The following GPR107 variants were observed in gnomAD, a reference collection of about 807,000 sequenced individuals.
The protein encoded by GPR107 is G protein-coupled receptor 107, also known as protein GPR107.
In GPR107, 31 loss-of-function variants were observed where a neutral mutation model predicts 75.5. The observed-to-expected ratio is 0.41, with a 90% CI of 0.31 to 0.55. The LOEUF (loss-of-function observed/expected upper bound fraction) is 0.55. Ranked by LOEUF, GPR107 falls within the 20% of genes least tolerant of loss-of-function variation. The pLI, the probability that GPR107 is intolerant of heterozygous loss-of-function variation, is 0.26. For missense variants in GPR107, 572 were observed against 665.7 expected, an observed-to-expected ratio of 0.86 and a Z score of 1.55; for synonymous variants, 267 against 251.3, an observed-to-expected ratio of 1.06 and a Z score of -0.59.
intron 1 of GPR107, among the ~76,000 whole-genome samples, chr9:130,065,299 A>G (rs550066442): frequency 6.6e-6 from 1 of 151,800 alleles, no homozygotes; most frequent in African/African-American, 2.4e-5. Flanking sequence ...AAAATACAAA[A>G]TATTAGCTGG....
intron 2 of GPR107, 79 bp from the exon 3 acceptor site, chr9:130,076,333 C>A: frequency 1.1e-6 from 1 of 874,766 alleles, no homozygotes; most frequent in Non-Finnish European, 1.9e-6. Flanking sequence ...TTAGAAGTAC[C>A]ACTTTTTCTG....
Position 130,112,256 on chromosome 9 carries a change from C to T in GPR107, c.1306+4717C>T, listed in dbSNP as rs756273549. 5.9e-5 allele frequency among the ~76,000 whole-genome samples: 9 copies of T among 152,212 alleles called. No homozygotes were observed. Among genetic ancestry groups the T allele is most frequent in the Non-Finnish European group, 1.2e-4 (8 of 68,042 alleles). The stretch of plus-strand genomic sequence containing the variant: ...GCTGGCTGCAGAGTTGATGGAGGAA[C>T]GGCTTCATTCCGAGGTGCCGCCGTG... On this transcript the variant is annotated intron_variant, in intron 14 of 17. Transcript: ENST00000347136. The surrounding 1 kb of genome is among the most constrained non-coding windows in gnomAD (Gnocchi z 4.0).
chr9:130,063,810 CT>C (rs1317543145), intron 1 of GPR107, among the ~76,000 whole-genome samples: 162 of 130,136 alleles, frequency 1.2e-3, no homozygotes, highest in South Asian at 1.5e-3. Context: ...GGAGTTTATT[CT>C]TTTTTTTTTT....
intron 14 of GPR107, among the ~76,000 whole-genome samples, chr9:130,119,205 G>T (rs1203335154): frequency 2.0e-5 from 3 of 152,202 alleles, no homozygotes. Context: ...CTCAGAGCGG[G>T]CTCCACCCCT....
chr9:130,086,002 T>C (rs1461927633), intron 6 of GPR107, among the ~76,000 whole-genome samples: 1 of 152,102 alleles, frequency 6.6e-6, no homozygotes, highest in African/African-American at 2.4e-5. Context: ...CTGCCCACCT[T>C]GGCCTCCCAA....
chr9:130,107,689 G>A (rs1831193161), intron 14 of GPR107, 150 bp downstream of exon 14: 2 of 695,630 alleles, frequency 2.9e-6, no homozygotes, highest in Non-Finnish European at 5.3e-6. Flanking sequence ...CTTCGTGAGA[G>A]CAGCCAGGGG....
intron 5 of GPR107, among the ~76,000 whole-genome samples, chr9:130,082,636 C>T (rs1331650685): frequency 1.3e-5 from 2 of 151,826 alleles, no homozygotes; most frequent in Non-Finnish European, 2.9e-5. Flanking sequence ...CCTGCCACCA[C>T]GTGGCTAATT....
intron 15 of GPR107, among the ~76,000 whole-genome samples, chr9:130,127,040 C>T (rs7031307): frequency 0.66 from 100,095 of 152,164 alleles, 33,035 homozygotes; most frequent in East Asian, 0.82. Context: ...GTGTGGACCT[C>T]GAATGCTTGC....
Position 130,103,548 on chromosome 9 carries a change from C to T in GPR107, c.1132-872C>T, listed in dbSNP as rs1831088269. Among the ~76,000 whole-genome samples, 1 of 140,934 alleles carries T rather than the reference C, an allele frequency of 7.1e-6. No individual in the cohort carries two copies. The highest frequency in any genetic ancestry group is 7.2e-5 in the Admixed American group (1 of 13,974). The allele number at this position is 140,934 out of a possible 152,430, so 92.5% of individuals were successfully genotyped here. A position where few individuals can be genotyped will look rare whatever the true frequency, so the allele number is the denominator to read the frequency against. ...AAGACTTATGCTAAGAGCCTAATAA[C>T]GGGCCTGAGTACAGAGCTTAATAGT... On this transcript the variant is annotated intron_variant, in intron 12 of 17. Transcript: ENST00000347136. The surrounding 1 kb of genome is among the most constrained non-coding windows in gnomAD (Gnocchi z 4.3).
rs35922387 is a variant in GPR107, at chr9:130,106,620, T to TAAATA, written c.1263-874_1263-873insATAAA. On this transcript the variant is annotated intron_variant, in intron 13 of 17. Coordinates refer to ENST00000347136, the MANE Select transcript of GPR107 (RefSeq NM_020960.5). ...CAAAATAAATAAATAAATAAATAAA[T>TAAATA]AATAATAATAATAATAATACTTGTA... Among the ~76,000 whole-genome samples, 392 of 135,146 alleles carry TAAATA rather than the reference T, an allele frequency of 2.9e-3. 3 individuals carry two copies. Among genetic ancestry groups the TAAATA allele is most frequent in the African/African-American group, 9.5e-3 (358 of 37,678 alleles). The allele number at this position is 135,146 out of a possible 152,430, so 88.7% of individuals were successfully genotyped here.
rs1274662272 is a variant in GPR107, at chr9:130,103,028, C to T, written c.1132-1392C>T. On this transcript the variant is annotated intron_variant, in intron 12 of 17. Transcript: ENST00000347136. This position sits in a 1 kb window ranked among gnomAD's most constrained non-coding sequence, Gnocchi z 4.3. ...CTGGTGTCAAACTCCTGGGCTCAAG[C>T]AATCCTTCTGCCTTGGCTCCCCAAA... Among the ~76,000 whole-genome samples, 1 of 152,032 alleles carries T rather than the reference C, an allele frequency of 6.6e-6. No individual in the cohort carries two copies. The highest frequency in any genetic ancestry group is 2.4e-5 in the African/African-American group (1 of 41,384).
intron 1 of GPR107, among the ~76,000 whole-genome samples, chr9:130,065,424 T>C (rs112547873): frequency 0.023 from 3,405 of 147,016 alleles, 132 homozygotes; most frequent in African/African-American, 0.08. Flanking sequence ...ACAACAAGAG[T>C]GAAACTCCAT....
chr9:130,060,220 G>A (rs1829894557), intron 1 of GPR107, among the ~76,000 whole-genome samples: 2 of 151,638 alleles, frequency 1.3e-5, no homozygotes, highest in Non-Finnish European at 1.5e-5. Flanking sequence ...CCACCACTAC[G>A]CCCAGCTAAT....
Position 130,099,528 on chromosome 9 carries a change from A to G in GPR107, c.935A>G (p.His312Arg), listed in dbSNP as rs1830962810. ...ACCAAGTCTCTTTCCTTGGTGTTCC[A>G]TGCAGTATGTATTAGCATTTTGAGG... ...PFTKSLSLVFHAIDYHYISSQ... is the reference protein window; with the variant it reads ...PFTKSLSLVFRAIDYHYISSQ... The change falls in exon 10 of 18, where the codon CAT becomes CGT. Residue 312 changes from histidine to arginine, a missense_variant. Coordinates refer to ENST00000347136, the MANE Select transcript of GPR107 (RefSeq NM_020960.5). 6.3e-7 allele frequency: 1 copy of G among 1,576,102 alleles called. No homozygotes were observed. Among genetic ancestry groups the G allele is most frequent in the Non-Finnish European group, 8.7e-7 (1 of 1,145,596 alleles).
chr9:130,097,369 G>A (rs926175549), intron 9 of GPR107, among the ~76,000 whole-genome samples: 2 of 151,824 alleles, frequency 1.3e-5, no homozygotes, highest in Admixed American at 6.6e-5. Flanking sequence ...TGGCCAAGCA[G>A]GTCTTGAACT....
rs1045979986 is a variant in GPR107 at position 130,069,984 on chromosome 9, C to CTTTTTTTT, written c.142-5632_142-5625dup. On this transcript the variant is annotated intron_variant, in intron 1 of 17. Coordinates refer to ENST00000347136, the MANE Select transcript of GPR107 (RefSeq NM_020960.5). Reference sequence around the variant, plus strand: ...AGGCATAAGCCACCGTGCCTGGCCTCTTTTTTTTTTTTTTTTTTTTTTTTT... The same window carrying CTTTTTTTT: ...AGGCATAAGCCACCGTGCCTGGCCTCTTTTTTTTTTTTTTTTTTTTTTTTTTTTTTTTT... 7.3e-4 allele frequency among the ~76,000 whole-genome samples: 33 copies of CTTTTTTTT among 45,394 alleles called. 2 individuals are homozygous for CTTTTTTTT. Among genetic ancestry groups the CTTTTTTTT allele is most frequent in the Non-Finnish European group, 1.2e-3 (29 of 24,108 alleles). 29.8% of individuals were successfully genotyped at this position (45,394 alleles called of 152,430 possible).
chr9:130,072,679 A>G (rs1186391249), intron 1 of GPR107, among the ~76,000 whole-genome samples: 2 of 152,040 alleles, frequency 1.3e-5, no homozygotes, highest in Non-Finnish European at 2.9e-5. Context: ...AAATGAAATG[A>G]TGATGCAAAG....
Position 130,058,814 on chromosome 9 carries a change from G to A in GPR107, c.141+4741G>A, listed in dbSNP as rs139776693. Among the ~76,000 whole-genome samples the A allele has an allele frequency of 3.9e-5, 6 of 152,102 alleles. No individual in the cohort carries two copies. The East Asian group carries it at 5.8e-4, about 15-fold the overall frequency. Reference sequence around the variant, plus strand: ...TTTCTTTCTTTCTTTTTTGAGCTTCGTTCATTTTGTGCCATGTGTCAGTAA... The same window carrying A: ...TTTCTTTCTTTCTTTTTTGAGCTTCATTCATTTTGTGCCATGTGTCAGTAA... On this transcript the variant is annotated intron_variant, in intron 1 of 17. Coordinates refer to ENST00000347136, the MANE Select transcript of GPR107 (RefSeq NM_020960.5).
intron 1 of GPR107, among the ~76,000 whole-genome samples, chr9:130,070,087 C>T (rs997945831): frequency 6.9e-6 from 1 of 145,530 alleles, no homozygotes; most frequent in African/African-American, 2.6e-5. Flanking sequence ...CATTTGGCCT[C>T]GTGGGCCCAA....
Sources: gnomAD v4.1 joint callset for allele counts (sites outside exome capture counted in the v4.1 genomes callset) on GRCh38, gnomAD v4.1.1 for gene constraint, Gnocchi (gnomAD v3.1) non-coding constraint, MANE v1.5 for transcripts, NCBI Gene and HGNC (gene_info 2026-07-23, HGNC 2026-07-21) for gene names.